SEMA3A: variants seen among roughly 807,000 people sequenced by gnomAD.
SEMA3A encodes semaphorin-3A.
Under a neutral mutation model 97.9 loss-of-function variants are expected in SEMA3A, and 29 were observed. The observed-to-expected ratio is 0.30, with a 90% CI of 0.22 to 0.40. The LOEUF (loss-of-function observed/expected upper bound fraction) is 0.40. Ranked by LOEUF, SEMA3A falls within the 10% of genes least tolerant of loss-of-function variation. SEMA3A has a pLI of 1.00. For synonymous variants in SEMA3A, 321 were observed against 323.7 expected (o/e 0.99, Z 0.09); for missense variants, 763 against 951.3 (o/e 0.80, Z 2.60).
At position 84,471,773 on chromosome 7, in the gene SEMA3A, A is replaced by G. The variant is rs190013162; in HGVS notation, c.-246+20687T>C. On this transcript the variant is annotated intron_variant, in intron 1 of 3. Transcript: ENST00000424555. The stretch of plus-strand genomic sequence containing the variant: ...GTCTAAACCATCCATATTTCTGTGC[A>G]TATTTTTCTTGGTTTCTAGGGAAAC... Among the ~76,000 whole-genome samples, 1,224 of 152,202 alleles carry G rather than the reference A, an allele frequency of 8.0e-3. 53 individuals are homozygous for G. The highest frequency in any genetic ancestry group is 0.072 in the Admixed American group (1,101 of 15,256).
intron 6 of SEMA3A, among the ~76,000 whole-genome samples, chr7:84,037,044 C>T (rs565508180): frequency 6.6e-6 from 1 of 152,118 alleles, no homozygotes; most frequent in Admixed American, 6.6e-5. Context: ...TGACAAAAAT[C>T]TCATCAGGAA....
At chr7:84,150,900 G>A (rs982538479) in intron 1 of SEMA3A, among the ~76,000 whole-genome samples, 3 of 151,150 alleles carry the variant, frequency 2.0e-5, no homozygotes, top group Admixed American at 6.6e-5. Flanking sequence ...TCTGAGAACG[G>A]GCAGACTGCC....
intron 4 of SEMA3A, among the ~76,000 whole-genome samples, chr7:84,065,088 T>C (rs1438060659): frequency 2.1e-5 from 3 of 145,530 alleles, no homozygotes; most frequent in Admixed American, 6.9e-5. Flanking sequence ...CACAGTGCAA[T>C]CAAACTAGAA....
intron 1 of SEMA3A, among the ~76,000 whole-genome samples, chr7:84,420,814 T>A (rs1804569774): frequency 6.6e-6 from 1 of 152,132 alleles, no homozygotes; most frequent in African/African-American, 2.4e-5. Flanking sequence ...TAGTTTGTAT[T>A]TCTGTGGGAT....
chr7:84,020,802 T>G (rs1791300361), intron 6 of SEMA3A, among the ~76,000 whole-genome samples: 1 of 152,196 alleles, frequency 6.6e-6, no homozygotes, highest in Admixed American at 6.6e-5. Context: ...TATTTTACAG[T>G]AATATTTTGG....
In SEMA3A at chr7:84,408,436, C is replaced by T. The variant is rs1233197011; in HGVS notation, c.-245-36536G>A. Among the ~76,000 whole-genome samples the T allele has an allele frequency of 7.9e-5, 12 of 151,470 alleles. No homozygotes were observed. In the South Asian group the frequency reaches 1.7e-3, roughly 21 times the overall value. On this transcript the variant is annotated intron_variant, in intron 1 of 3. Transcript: ENST00000424555. The stretch of plus-strand genomic sequence containing the variant: ...GTGGAGAAATAGGAACACTTTTACA[C>T]TGTTGGTGGGACTGTAAACTAGTTC...
intron 4 of SEMA3A, among the ~76,000 whole-genome samples, chr7:84,078,268 T>G (rs1794022833): frequency 6.6e-6 from 1 of 152,104 alleles, no homozygotes; most frequent in Non-Finnish European, 1.5e-5. Flanking sequence ...TTTATTTACT[T>G]GACACAGAGT....
At chr7:84,002,973 A>C (rs1279920289) in intron 11 of SEMA3A, among the ~76,000 whole-genome samples, 1 of 152,142 alleles carries the variant, frequency 6.6e-6, no homozygotes, top group East Asian at 1.9e-4. Flanking sequence ...GGGCTTATTA[A>C]ATTCAAAACT....
intron 1 of SEMA3A, among the ~76,000 whole-genome samples, chr7:84,163,564 TATA>T (rs1237072332): frequency 6.6e-6 from 1 of 152,168 alleles, no homozygotes; most frequent in Non-Finnish European, 1.5e-5. Context: ...AACAAAATGA[TATA>T]ATAAAATATG....
At chr7:84,329,117 A>G (rs1801846651) in intron 2 of SEMA3A, among the ~76,000 whole-genome samples, 1 of 151,886 alleles carries the variant, frequency 6.6e-6, no homozygotes, top group Admixed American at 6.6e-5. Flanking sequence ...AGAAAAAAAA[A>G]CCCGATTGCA....
At chr7:84,079,878 ATGCTGCTATAAAGACACT>A (rs1175820914) in intron 4 of SEMA3A, among the ~76,000 whole-genome samples, 1 of 146,988 alleles carries the variant, frequency 6.8e-6, no homozygotes, top group Non-Finnish European at 1.5e-5. Flanking sequence ...ACTATAAATT[ATGCTGCTATAAAGACACT>A]TGCGCACGTA....
chr7:84,110,335 T>C (rs1795239141), intron 4 of SEMA3A, 135 bp downstream of exon 4: 3 of 900,298 alleles, frequency 3.3e-6, no homozygotes, highest in Non-Finnish European at 1.7e-6. Context: ...TTAAAATTAA[T>C]AACAGCATCT....
intron 6 of SEMA3A, among the ~76,000 whole-genome samples, chr7:84,039,303 A>C (rs1792049597): frequency 6.6e-6 from 1 of 152,170 alleles, no homozygotes; most frequent in Non-Finnish European, 1.5e-5. Context: ...AAGTCACGTA[A>C]GTAATAAATG....
intron 1 of SEMA3A, among the ~76,000 whole-genome samples, chr7:84,418,764 G>A (rs370116508): frequency 3.3e-5 from 5 of 151,760 alleles, no homozygotes; most frequent in African/African-American, 7.3e-5. Flanking sequence ...CAACTTCCCT[G>A]GTTTTCAGGC....
At chr7:84,404,586 T>G (rs549430787) in intron 1 of SEMA3A, among the ~76,000 whole-genome samples, 35 of 151,876 alleles carry the variant, frequency 2.3e-4, no homozygotes, top group South Asian at 4.2e-4. Context: ...CCAAGACACA[T>G]AATTGTCAGA....
At chr7:84,090,167 T>A (rs1003298910) in intron 4 of SEMA3A, among the ~76,000 whole-genome samples, 2 of 152,154 alleles carry the variant, frequency 1.3e-5, no homozygotes, top group Non-Finnish European at 2.9e-5. Flanking sequence ...AGTAATTTTA[T>A]GCAGTCCCCA....
chr7:84,492,094 TAAAG>T (rs1806749156), intron 1 of SEMA3A, among the ~76,000 whole-genome samples: 1 of 152,296 alleles, frequency 6.6e-6, no homozygotes, highest in South Asian at 2.1e-4. Context: ...GTATGTGCTT[TAAAG>T]ATTTTTTTGT....
intron 3 of SEMA3A, among the ~76,000 whole-genome samples, chr7:84,210,888 G>A (rs1016510862): frequency 2.6e-5 from 4 of 152,020 alleles, no homozygotes; most frequent in Admixed American, 6.6e-5. Context: ...GTAACATTAC[G>A]TATCTGCAGG....
At chr7:84,237,540 C>T (rs961698351) in intron 3 of SEMA3A, among the ~76,000 whole-genome samples, 5 of 152,008 alleles carry the variant, frequency 3.3e-5, no homozygotes, top group African/African-American at 1.2e-4. Flanking sequence ...AACATACCAC[C>T]CATTTTTCTA....
Sources: gnomAD v4.1 joint callset for allele counts (sites outside exome capture counted in the v4.1 genomes callset) on GRCh38, gnomAD v4.1.1 for gene constraint, MANE v1.5 for transcripts, NCBI Gene and HGNC (gene_info 2026-07-23, HGNC 2026-07-21) for gene names.